The following SOS2 variants were observed in gnomAD, a reference collection of about 807,000 sequenced individuals.
The protein encoded by SOS2 is SOS Ras/Rho guanine nucleotide exchange factor 2.
In SOS2, 65 loss-of-function variants were observed where a neutral mutation model predicts 148.2. That is an observed-to-expected ratio of 0.44 (90% CI 0.36 to 0.54). The LOEUF is 0.54. SOS2 is among the 20% of genes least tolerant of loss of function. The pLI, the probability that SOS2 is intolerant of heterozygous loss-of-function variation, is 0.00. For synonymous variants in SOS2, 539 were observed against 537.1 expected, an observed-to-expected ratio of 1.00 and a Z score of -0.05; for missense variants, 1,341 against 1,590.2, an observed-to-expected ratio of 0.84 and a Z score of 2.67.
At chr14:50,196,076 A>G (rs969020736) in intron 4 of SOS2, among the ~76,000 whole-genome samples, 1 of 152,064 alleles carries the variant, frequency 6.6e-6, no homozygotes, top group Non-Finnish European at 1.5e-5. Context: ...GAAAATGCAT[A>G]TGTGTTTTCA....
At chr14:50,179,350 T>C (rs73289620) in intron 7 of SOS2, among the ~76,000 whole-genome samples, 2,619 of 152,272 alleles carry the variant, frequency 0.017, 73 homozygotes, top group African/African-American at 0.059. Context: ...ATTTTTACCA[T>C]ATTCAAACGT....
chr14:50,145,025 A>G, intron 16 of SOS2, 145 bp downstream of exon 16: 2 of 370,568 alleles, frequency 5.4e-6, no homozygotes, highest in South Asian at 2.2e-4. Flanking sequence ...ATATCAACAT[A>G]TTTTCTAATA....
At chr14:50,176,561 G>A (rs1885529208) in intron 7 of SOS2, among the ~76,000 whole-genome samples, 1 of 152,166 alleles carries the variant, frequency 6.6e-6, no homozygotes, top group Non-Finnish European at 1.5e-5. Context: ...CTACATTTGA[G>A]TATTTAATAC....
intron 7 of SOS2, among the ~76,000 whole-genome samples, chr14:50,178,674 A>G (rs1042735242): frequency 0.24 from 1,081 of 4,538 alleles, 49 homozygotes; most frequent in East Asian, 0.38. Flanking sequence ...GTGTGTGCAT[A>G]TATATATATA....
chr14:50,212,214 G>A (rs1382904923), intron 1 of SOS2, among the ~76,000 whole-genome samples: 2 of 152,226 alleles, frequency 1.3e-5, no homozygotes, highest in Admixed American at 6.5e-5. Flanking sequence ...GGTGGCTCGC[G>A]CCTATAATCC....
chr14:50,138,805 A>G (rs1482222134), intron 17 of SOS2, 21 bp from the exon 18 acceptor site: 7 of 768,986 alleles, frequency 9.1e-6, no homozygotes, highest in Middle Eastern at 3.9e-4. Context: ...AAAAAAAAGA[A>G]TTTAAAGAAA....
chr14:50,127,984 T>C (rs572444496), intron 21 of SOS2, among the ~76,000 whole-genome samples: 6 of 152,330 alleles, frequency 3.9e-5, no homozygotes, highest in Admixed American at 6.5e-5. Context: ...TATAATAGGC[T>C]TCCACAAAAT....
At position 50,158,560 on chromosome 14, in the gene SOS2, C is replaced by A; in HGVS notation, c.1934+5G>T. 1 of 1,556,676 alleles carries A rather than the reference C, an allele frequency of 6.4e-7. No individual in the cohort carries two copies. Among genetic ancestry groups the A allele is most frequent in the South Asian group, 1.2e-5 (1 of 86,868 alleles). The stretch of plus-strand genomic sequence containing the variant: ...CAATATAACTGAAATACATATTTTT[C>A]TTACCGTTCAATCAGTAAGCTCAGC... On this transcript the variant is annotated splice_donor_5th_base_variant and intron_variant, in intron 11 of 22. Transcript: ENST00000216373.
intron 5 of SOS2, among the ~76,000 whole-genome samples, chr14:50,184,120 TCATA>T (rs148038037): frequency 2.0e-5 from 3 of 152,332 alleles, no homozygotes; most frequent in African/African-American, 7.2e-5. Context: ...AGGATTACTG[TCATA>T]TATATGGGTA....
intron 8 of SOS2, among the ~76,000 whole-genome samples, chr14:50,172,572 T>C (rs1396745698): frequency 6.6e-6 from 1 of 151,994 alleles, no homozygotes; most frequent in East Asian, 1.9e-4. Flanking sequence ...TTTGCCATGT[T>C]GGCCAGACTG....
intron 21 of SOS2, among the ~76,000 whole-genome samples, chr14:50,129,093 T>C (rs896907612): frequency 6.6e-6 from 1 of 152,214 alleles, no homozygotes; most frequent in African/African-American, 2.4e-5. Flanking sequence ...AGTTATTTTG[T>C]TTTAAACAAA....
At chr14:50,229,833 T>C (rs1887487462) in intron 1 of SOS2, among the ~76,000 whole-genome samples, 2 of 152,228 alleles carry the variant, frequency 1.3e-5, no homozygotes, top group Non-Finnish European at 2.9e-5. Flanking sequence ...CACACTTGTC[T>C]GTGGTCAAAG....
intron 1 of SOS2, among the ~76,000 whole-genome samples, chr14:50,206,271 A>G (rs1363962528): frequency 1.3e-5 from 2 of 152,190 alleles, no homozygotes; most frequent in Admixed American, 6.5e-5. Context: ...GTAAAAACAC[A>G]CATATTTTCA....
intron 6 of SOS2, among the ~76,000 whole-genome samples, chr14:50,182,011 TA>T (rs1247901256): frequency 6.8e-6 from 1 of 147,794 alleles, no homozygotes; most frequent in Non-Finnish European, 1.5e-5. Flanking sequence ...AAAAAAAACC[TA>T]AATGTTACTA....
At chr14:50,215,368 T>C (rs1887014359) in intron 1 of SOS2, 1 of 1,276,744 alleles carries the variant, frequency 7.8e-7, no homozygotes. Flanking sequence ...AATGTTAAAA[T>C]CTCACCCATA....
At chr14:50,161,956 T>C (rs998368453) in intron 8 of SOS2, among the ~76,000 whole-genome samples, 1 of 151,854 alleles carries the variant, frequency 6.6e-6, no homozygotes, top group Admixed American at 6.6e-5. Flanking sequence ...TCGCTATGTC[T>C]CCCAGGCTGG....
At chr14:50,202,532 G>A (rs112505470) in intron 2 of SOS2, among the ~76,000 whole-genome samples, 5 of 152,118 alleles carry the variant, frequency 3.3e-5, no homozygotes, top group African/African-American at 1.2e-4. Flanking sequence ...CCAGGAGTAT[G>A]AAACCAGCAT....
rs144397071 is a variant in SOS2 at position 50,210,031 on chromosome 14, A to G, written c.88-5622T>C. On this transcript the variant is annotated intron_variant, in intron 1 of 22. Coordinates refer to ENST00000216373, the MANE Select transcript of SOS2 (RefSeq NM_006939.4). ...ATGCCAAGATAATTTCAACATGTAA[A>G]TAAAAGTGCAAAAAGCTAAGAAAAT... 4.2e-4 allele frequency among the ~76,000 whole-genome samples: 64 copies of G among 152,360 alleles called. No individual in the cohort carries two copies. In the East Asian group the frequency reaches 0.012, roughly 29 times the overall value.
chr14:50,193,749 G>A (rs565045604), intron 4 of SOS2, among the ~76,000 whole-genome samples: 3 of 151,636 alleles, frequency 2.0e-5, no homozygotes, highest in South Asian at 4.2e-4. Flanking sequence ...TCAAGTCATC[G>A]GGATTTTTTT....
Sources: allele counts gnomAD v4.1 joint callset (sites outside exome capture counted in the v4.1 genomes callset), GRCh38; gene constraint gnomAD v4.1.1; transcripts MANE v1.5; gene names NCBI Gene and HGNC (gene_info 2026-07-23, HGNC 2026-07-21).